GRID2: variants seen among roughly 807,000 people sequenced by gnomAD.
GRID2 encodes glutamate receptor ionotropic, delta-2.
GRID2 carries 33 observed loss-of-function variants against 114.8 expected under a neutral mutation model. The observed-to-expected ratio is 0.29, with a 90% CI of 0.22 to 0.38. The LOEUF is 0.38. Among genes scored for constraint, GRID2 ranks in the 10% least tolerant of loss-of-function variants. GRID2 has a pLI of 1.00. For missense variants in GRID2, 1,184 were observed against 1,257.7 expected, an observed-to-expected ratio of 0.94 and a Z score of 0.89; for synonymous variants, 505 against 449.9, an observed-to-expected ratio of 1.12 and a Z score of -1.55.
chr4:93,747,017 C>T (rs369177493), intron 14 of GRID2, among the ~76,000 whole-genome samples: 18 of 151,914 alleles, frequency 1.2e-4, no homozygotes, highest in African/African-American at 4.3e-4. Context: ...TCCAAAGCTA[C>T]ATCTAGCAAA....
At chr4:93,438,929 G>A (rs1354077753) in intron 10 of GRID2, among the ~76,000 whole-genome samples, 4 of 151,618 alleles carry the variant, frequency 2.6e-5, no homozygotes, top group Non-Finnish European at 4.4e-5. Context: ...GAGAATATGC[G>A]GTGTTTGGTT....
At chr4:93,140,575 C>G (rs996059015) in intron 4 of GRID2, among the ~76,000 whole-genome samples, 9 of 152,164 alleles carry the variant, frequency 5.9e-5, no homozygotes, top group Admixed American at 2.6e-4. Flanking sequence ...CTCACGTACC[C>G]TCTGACATAG....
intron 1 of GRID2, among the ~76,000 whole-genome samples, chr4:92,580,262 T>C (rs553857207): frequency 1.3e-5 from 2 of 151,662 alleles, no homozygotes; most frequent in South Asian, 4.1e-4. Flanking sequence ...TAGGACATAT[T>C]GGAAAAATAA....
intron 11 of GRID2, among the ~76,000 whole-genome samples, chr4:93,466,679 C>G (rs909798137): frequency 4.6e-5 from 7 of 152,180 alleles, no homozygotes; most frequent in Admixed American, 2.0e-4. Context: ...CAAGCTGCTT[C>G]TGCCCCGGCC....
chr4:93,566,501 C>T (rs1735433957), intron 13 of GRID2, among the ~76,000 whole-genome samples: 1 of 152,152 alleles, frequency 6.6e-6, no homozygotes, highest in African/African-American at 2.4e-5. Context: ...AGCAGTGGCT[C>T]ATGCCTGCCT....
intron 1 of GRID2, among the ~76,000 whole-genome samples, chr4:92,371,144 A>T (rs1729097896): frequency 6.6e-6 from 1 of 152,196 alleles, no homozygotes; most frequent in Non-Finnish European, 1.5e-5. Context: ...AGGTTGCTTC[A>T]TGAAGATTAA....
intron 1 of GRID2, among the ~76,000 whole-genome samples, chr4:92,310,922 A>G (rs1173676365): frequency 6.6e-6 from 1 of 152,106 alleles, no homozygotes; most frequent in African/African-American, 2.4e-5. Flanking sequence ...AATCTTAATT[A>G]CACAAGTTAA....
Position 93,590,938 on chromosome 4 carries a change from G to T in GRID2, c.2194-35331G>T, listed in dbSNP as rs1383938455. Among the ~76,000 whole-genome samples, 503 of 151,476 alleles carry T rather than the reference G, an allele frequency of 3.3e-3. 1 individual carries two copies. The highest frequency in any genetic ancestry group is 0.012 in the African/African-American group (481 of 41,106). The stretch of plus-strand genomic sequence containing the variant: ...GAGACTTTGCTGAAGTTGCTTATCA[G>T]CTTAAGGAGATTTTGGGCTGAGACG... On this transcript the variant is annotated intron_variant, in intron 13 of 15. Transcript: ENST00000282020.
intron 2 of GRID2, among the ~76,000 whole-genome samples, chr4:92,910,305 C>T (rs545127927): frequency 2.6e-5 from 4 of 152,168 alleles, no homozygotes; most frequent in African/African-American, 9.6e-5. Context: ...CAGCCCAATC[C>T]CCCAGAGAAC....
intron 14 of GRID2, among the ~76,000 whole-genome samples, chr4:93,644,417 G>A (rs1209942644): frequency 1.3e-5 from 2 of 152,038 alleles, no homozygotes; most frequent in Non-Finnish European, 2.9e-5. Context: ...GAACTGGCAC[G>A]CTAAAAAAAA....
intron 10 of GRID2, among the ~76,000 whole-genome samples, chr4:93,428,334 A>G (rs1769051735): frequency 6.6e-6 from 1 of 152,106 alleles, no homozygotes; most frequent in South Asian, 2.1e-4. Flanking sequence ...CCTCATTTAA[A>G]CCATAATTAG....
intron 1 of GRID2, among the ~76,000 whole-genome samples, chr4:92,541,553 A>G (rs1205586227): frequency 6.6e-6 from 1 of 152,074 alleles, no homozygotes; most frequent in Non-Finnish European, 1.5e-5. Flanking sequence ...ATCTATGTTC[A>G]TATTAAAGCC....
intron 8 of GRID2, among the ~76,000 whole-genome samples, chr4:93,266,886 T>G (rs1485529585): frequency 6.6e-6 from 1 of 152,092 alleles, no homozygotes; most frequent in Non-Finnish European, 1.5e-5. Flanking sequence ...ACAAATACTG[T>G]TCGAATTCTT....
intron 2 of GRID2, among the ~76,000 whole-genome samples, chr4:92,977,684 T>C (rs1010800317): frequency 3.3e-5 from 5 of 152,260 alleles, no homozygotes; most frequent in African/African-American, 9.6e-5. Flanking sequence ...AATTAAGACT[T>C]GGACTATGGG....
chr4:92,863,141 A>G (rs1005017258), intron 2 of GRID2, among the ~76,000 whole-genome samples: 1 of 152,116 alleles, frequency 6.6e-6, no homozygotes, highest in African/African-American at 2.4e-5. Context: ...ATGAAAAAAG[A>G]CTGAATTTTC....
intron 1 of GRID2, among the ~76,000 whole-genome samples, chr4:92,512,796 T>G (rs532565766): frequency 6.6e-6 from 1 of 151,962 alleles, no homozygotes; most frequent in South Asian, 2.1e-4. Flanking sequence ...TTTATTTGTA[T>G]AACCACTAAA....
intron 2 of GRID2, among the ~76,000 whole-genome samples, chr4:92,645,591 C>G (rs1182259814): frequency 6.6e-6 from 1 of 151,596 alleles, no homozygotes; most frequent in East Asian, 1.9e-4. Context: ...ATATCCAGAT[C>G]AGGATATAGA....
At chr4:93,001,792 A>C (rs1335853065) in intron 2 of GRID2, among the ~76,000 whole-genome samples, 2 of 151,748 alleles carry the variant, frequency 1.3e-5, no homozygotes, top group African/African-American at 2.4e-5. Flanking sequence ...CAATGCATTA[A>C]CAAGAAAACT....
chr4:93,588,810 G>A (rs557733675), intron 13 of GRID2, among the ~76,000 whole-genome samples: 56 of 152,166 alleles, frequency 3.7e-4, no homozygotes, highest in African/African-American at 1.1e-3. Context: ...TTTGTAATGT[G>A]GATTTTTTTT....
Sources: gnomAD v4.1 joint callset for allele counts (sites outside exome capture counted in the v4.1 genomes callset) on GRCh38, gnomAD v4.1.1 for gene constraint, MANE v1.5 for transcripts, NCBI Gene and HGNC (gene_info 2026-07-23, HGNC 2026-07-21) for gene names.